Variants in CALY observed in about 807,000 individuals in gnomAD.
CALY encodes the protein calcyon neuron specific vesicular protein, also known as neuron-specific vesicular protein calcyon.
In CALY, 15 loss-of-function variants were observed where a neutral mutation model predicts 20.2. The ratio of observed to expected loss-of-function variants is 0.74; its 90% CI spans 0.50 to 1.14. The LOEUF (loss-of-function observed/expected upper bound fraction) is 1.14. Ranked by LOEUF, CALY falls within the 50% of genes most tolerant of loss-of-function variation. CALY has a pLI of 0.00. For missense variants in CALY, 270 were observed against 304.4 expected (o/e 0.89, Z 0.84); for synonymous variants, 129 against 131.8 (o/e 0.98, Z 0.15).
In CALY at chr10:133,327,911, C is replaced by A. The variant is rs766606291; in HGVS notation, c.240G>T (p.Gly80=). The change falls in exon 3 of 6, where the codon GGG becomes GGT. Residue 80 remains glycine, a synonymous_variant. Coordinates refer to ENST00000252939, the MANE Select transcript of CALY (RefSeq NM_015722.4). Reference sequence around the variant, plus strand: ...GTGGGGTGGGTGTGGTTACCCTGCGCCCTTCCTCTGGGTGGCTGCAGTTCA... The same window carrying A: ...GTGGGGTGGGTGTGGTTACCCTGCGACCTTCCTCTGGGTGGCTGCAGTTCA... ...QRLNCSHPEE[G]RRLPTARMIA... 1.2e-6 allele frequency: 2 copies of A among 1,609,298 alleles called. No individual in the cohort carries two copies. The highest frequency in any genetic ancestry group is 2.2e-5 in the South Asian group (2 of 90,532).
rs549430070 is a variant in CALY at position 133,329,392 on chromosome 10, C to CTTCTTCTTTTTTT, written c.-20-384_-20-383insAAAAAAAGAAGAA. The stretch of plus-strand genomic sequence containing the variant: ...TCTTATTCTCCTTCTTCTTCTTCTT[C>CTTCTTCTTTTTTT]TTTTTTTTTTTTGAGACAGGATCTT... On this transcript the variant is annotated intron_variant, in intron 1 of 5. Coordinates refer to ENST00000252939, the MANE Select transcript of CALY (RefSeq NM_015722.4). Among the ~76,000 whole-genome samples, 695 of 137,418 alleles carry CTTCTTCTTTTTTT rather than the reference C, an allele frequency of 5.1e-3. 5 individuals carry two copies. Among genetic ancestry groups the CTTCTTCTTTTTTT allele is most frequent in the Middle Eastern group, 0.022 (6 of 274 alleles). 90.2% of individuals were successfully genotyped at this position (137,418 alleles called of 152,430 possible). A position where few individuals can be genotyped will look rare whatever the true frequency, so the allele number is the denominator to read the frequency against.
chr10:133,328,868 G>T lies in CALY; in HGVS notation c.122C>A (p.Pro41Gln). The change falls in exon 2 of 6, where the codon CCA (proline) becomes CAA (glutamine). Residue 41 changes from proline (P) to glutamine (Q), a missense_variant. Pro to Gln is a moderately conservative substitution (Grantham distance 76). Coordinates refer to ENST00000252939, the MANE Select transcript of CALY (RefSeq NM_015722.4). ...SPLDISQLQP[P>Q]LPDQVVIKTQ... Reference sequence around the variant, plus strand: ...CCAGGCCCTCACCTGGTCAGGGAGTGGCGGCTGGAGCTGGCTGATGTCCAA... The same window carrying T: ...CCAGGCCCTCACCTGGTCAGGGAGTTGCGGCTGGAGCTGGCTGATGTCCAA... 6.5e-7 allele frequency: 1 copy of T among 1,543,182 alleles called. No homozygotes were observed. Among genetic ancestry groups the T allele is most frequent in the Non-Finnish European group, 8.7e-7 (1 of 1,144,698 alleles).
At chr10:133,327,685 A>G in intron 3 of CALY, 1 of 640,532 alleles carries the variant, frequency 1.6e-6, no homozygotes, top group Non-Finnish European at 2.8e-6. Context: ...CAGGAGCGCC[A>G]CTGTTTGGTC....
At chr10:133,330,231 TGGTCCCAGCCACTC>T (rs993921650) in intron 1 of CALY, among the ~76,000 whole-genome samples, 5 of 151,634 alleles carry the variant, frequency 3.3e-5, no homozygotes, top group Non-Finnish European at 7.4e-5. Context: ...GCGGCGCCTG[TGGTCCCAGCCACTC>T]GGGAGGCTGA....
chr10:133,326,427 G>A, intron 4 of CALY: 1 of 608,948 alleles, frequency 1.6e-6, no homozygotes, highest in South Asian at 2.2e-5. Context: ...AAGGAGAAAA[G>A]GAGCAGATTT....
chr10:133,329,392 C>CTTCTTTTT (rs549430070), intron 1 of CALY, among the ~76,000 whole-genome samples: 10 of 137,458 alleles, frequency 7.3e-5, no homozygotes, highest in African/African-American at 2.9e-4. Flanking sequence ...TCTTCTTCTT[C>CTTCTTTTT]TTTTTTTTTT....
chr10:133,335,614 G>T (rs911394870), intron 1 of CALY, among the ~76,000 whole-genome samples: 1 of 152,192 alleles, frequency 6.6e-6, no homozygotes, highest in African/African-American at 2.4e-5. Context: ...TAGCCTGTGT[G>T]TGGGGTCCAA....
intron 5 of CALY, 63 bp downstream of exon 5, chr10:133,325,736 G>C: frequency 1.4e-6 from 1 of 713,708 alleles, no homozygotes; most frequent in Non-Finnish European, 1.9e-6. Context: ...GCTCAGAAGC[G>C]GTGGCGGGAG....
Position 133,325,873 on chromosome 10 carries a change from G to T in CALY, c.608C>A (p.Ala203Glu). 1.8e-5 allele frequency: 23 copies of T among 1,248,258 alleles called. No homozygotes were observed. The highest frequency in any genetic ancestry group is 2.3e-5 in the Non-Finnish European group (23 of 998,278). The allele number at this position is 1,248,258 out of a possible 1,614,324, so 77.3% of individuals were successfully genotyped here. The change falls in exon 5 of 6, where the codon GCG (alanine) becomes GAG (glutamate). Residue 203 changes from alanine (A) to glutamate (E), a missense_variant. By Grantham distance (107) the Ala-to-Glu change is moderately radical (BLOSUM62 -1). Coordinates refer to ENST00000252939, the MANE Select transcript of CALY (RefSeq NM_015722.4). The stretch of plus-strand genomic sequence containing the variant: ...CGCGCTCCCGGCCGCCTTCCGCGCC[G>T]CCTCCTTCTCCGCCTTGGCCGACGG... ...GKPSAKAEKE[A>E]ARKAAGSAAP... is the part of the protein sequence containing the mutation.
At chr10:133,333,168 A>G (rs1480005023) in intron 1 of CALY, among the ~76,000 whole-genome samples, 2 of 151,498 alleles carry the variant, frequency 1.3e-5, no homozygotes, top group African/African-American at 2.4e-5. Flanking sequence ...GCTTCTGCCC[A>G]GCTGCTGCCA....
intron 1 of CALY, among the ~76,000 whole-genome samples, chr10:133,330,026 G>A (rs1016757801): frequency 3.1e-4 from 47 of 152,230 alleles, no homozygotes; most frequent in Admixed American, 2.0e-4. Flanking sequence ...GGGAGAGGGC[G>A]GGCCCCACTA....
Position 133,327,983 on chromosome 10 carries a change from C to G in CALY, c.168G>C (p.Leu56=), listed in dbSNP as rs1848242267. 6.2e-7 allele frequency: 1 copy of G among 1,612,436 alleles called. No homozygotes were observed. Among genetic ancestry groups the G allele is most frequent in the African/African-American group, 1.3e-5 (1 of 75,026 alleles). Reference sequence around the variant, plus strand: ...GGAAATTCTGCTGGTCTGGGGAGGACAGCTGGTATTCTGTCTGTGTCTTGA... The same window carrying G: ...GGAAATTCTGCTGGTCTGGGGAGGAGAGCTGGTATTCTGTCTGTGTCTTGA... ...VVIKTQTEYQ[L]SSPDQQNFPD... Residue 56 remains leucine (L), a synonymous_variant, in exon 3 of 6, where the codon CTG becomes CTC. Coordinates refer to ENST00000252939, the MANE Select transcript of CALY (RefSeq NM_015722.4).
chr10:133,326,456 G>A (rs1188643732), intron 4 of CALY: 2 of 563,276 alleles, frequency 3.6e-6, no homozygotes, highest in Admixed American at 3.2e-5. Context: ...ATAAATAAAA[G>A]GCTTTCTAAA....
chr10:133,327,818 C>T (rs1263022834), intron 3 of CALY, 87 bp downstream of exon 3: 6 of 872,244 alleles, frequency 6.9e-6, no homozygotes, highest in Non-Finnish European at 1.1e-5. Flanking sequence ...CCCAGACTGG[C>T]CTGGACGGAA....
chr10:133,327,880 CAG>C, intron 3 of CALY, 23 bp downstream of exon 3: 1 of 1,496,896 alleles, frequency 6.7e-7, no homozygotes, highest in Non-Finnish European at 9.3e-7. Flanking sequence ...TGAGTCCCCA[CAG>C]TGGGTGGGGT....
chr10:133,330,284 C>T (rs1368824086), intron 1 of CALY, among the ~76,000 whole-genome samples: 1 of 131,944 alleles, frequency 7.6e-6, no homozygotes, highest in Non-Finnish European at 1.5e-5. Context: ...ACCCGGGAGG[C>T]GGAGGTTGCA....
chr10:133,325,917 G>GGCC lies in CALY; in HGVS notation c.561_563dup (p.Ala188dup), dbSNP rs1424086189. On this transcript the variant is annotated inframe_insertion, in exon 5 of 6. Coordinates refer to ENST00000252939, the MANE Select transcript of CALY (RefSeq NM_015722.4). ...CCGACGGCTTCCCGGGGGGTTCGGT[G>GGCC]GCCGCCGCCGCCGCCCCAGCCTGGG... The GGCC allele has an allele frequency of 3.1e-6, 4 of 1,302,950 alleles. No homozygotes were observed. Among genetic ancestry groups the GGCC allele is most frequent in the Admixed American group, 3.9e-5 (1 of 25,650 alleles). 80.7% of individuals were successfully genotyped at this position (1,302,950 alleles called of 1,614,324 possible).
Position 133,326,771 on chromosome 10 carries a change from G to A in CALY, c.360+107C>T, listed in dbSNP as rs536845550. 7 of 695,604 alleles carry A rather than the reference G, an allele frequency of 1.0e-5. No homozygotes were observed. In the East Asian group the frequency reaches 1.6e-4, roughly 16 times the overall value. 43.1% of individuals were successfully genotyped at this position (695,604 alleles called of 1,614,324 possible). ...GAGAAGTAACAGGAACATGGCTTTG[G>A]AGACCACGTTCCCCCAGCAGCAGGA... is the stretch of plus-strand genomic sequence containing the variant. On this transcript the variant is annotated intron_variant, in intron 4 of 5. Transcript: ENST00000252939.
intron 1 of CALY, among the ~76,000 whole-genome samples, chr10:133,332,362 G>T (rs1848324331): frequency 6.6e-6 from 1 of 152,134 alleles, no homozygotes; most frequent in Non-Finnish European, 1.5e-5. Flanking sequence ...GTCTACTCCA[G>T]GTGGATAAAC....
Sources: gnomAD v4.1 joint callset for allele counts (sites outside exome capture counted in the v4.1 genomes callset) on GRCh38, gnomAD v4.1.1 for gene constraint, MANE v1.5 for transcripts, NCBI Gene and HGNC (gene_info 2026-07-23, HGNC 2026-07-21) for gene names.